The following BOC variants were observed in gnomAD, a reference collection of about 807,000 sequenced individuals.
BOC encodes the protein brother of CDO.
In BOC, 76 loss-of-function variants were observed where a neutral mutation model predicts 112.0. The observed-to-expected ratio is 0.68, with a 90% confidence interval of 0.56 to 0.82. BOC has a LOEUF of 0.82. BOC is among the 40% of genes least tolerant of loss of function. The pLI, the probability that BOC is intolerant of heterozygous loss-of-function variation, is 0.00. For synonymous variants in BOC, 580 were observed against 599.8 expected (o/e 0.97, Z 0.48); for missense variants, 1,309 against 1,511.7 (o/e 0.87, Z 2.22).
intron 14 of BOC, 33 bp downstream of exon 14, chr3:113,280,696 G>A (rs373175756): frequency 2.8e-5 from 42 of 1,513,944 alleles, no homozygotes; most frequent in East Asian, 1.1e-4. Context: ...TAGCTTCTGC[G>A]TGATATAGTT....
In BOC at chr3:113,279,246, C is replaced by T. The variant is rs1417038327; in HGVS notation, c.1817-3C>T. ...CTTCCTCACTGGATACGGTCTTTCC[C>T]AGCCCCAGAAGCTCCCGACAGGCCC... is the stretch of plus-strand genomic sequence containing the variant. On this transcript the variant is annotated splice_polypyrimidine_tract_variant and splice_region_variant and intron_variant, in intron 11 of 19. Coordinates refer to ENST00000682979, the MANE Select transcript of BOC (RefSeq NM_001378074.1). 4 of 1,612,600 alleles carry T rather than the reference C, an allele frequency of 2.5e-6. No homozygotes were observed. In the Admixed American group the frequency reaches 5.0e-5, roughly 20 times the overall value.
chr3:113,229,138 T>G (rs567080292), intron 2 of BOC, among the ~76,000 whole-genome samples: 2 of 152,244 alleles, frequency 1.3e-5, no homozygotes, highest in African/African-American at 4.8e-5. Flanking sequence ...CCTCCCCCAG[T>G]AGGGACCAAA....
At chr3:113,262,788 G>A (rs141429913) in intron 4 of BOC, among the ~76,000 whole-genome samples, 1,802 of 152,334 alleles carry the variant, frequency 0.012, 39 homozygotes, top group African/African-American at 0.041. Context: ...GTGACTTGGG[G>A]GTTGAGAATT....
At position 113,271,076 on chromosome 3, in the gene BOC, G is replaced by C. The variant is rs760334841; in HGVS notation, c.667+132G>C. 6 of 1,336,412 alleles carry C rather than the reference G, an allele frequency of 4.5e-6. 1 individual carries two copies. The South Asian group carries it at 7.2e-5, about 16-fold the overall frequency. The allele number at this position is 1,336,412 out of a possible 1,614,324, so 82.8% of individuals were successfully genotyped here. ...TCTGTGTGCACTGGCTTTGGCCAGG[G>C]GGACAGCCAGGGGTTCTCAGCCAGG... On this transcript the variant is annotated intron_variant, in intron 6 of 19. Coordinates refer to ENST00000682979, the MANE Select transcript of BOC (RefSeq NM_001378074.1).
intron 2 of BOC, among the ~76,000 whole-genome samples, chr3:113,240,436 T>A (rs1393655489): frequency 6.6e-6 from 1 of 152,214 alleles, no homozygotes; most frequent in Non-Finnish European, 1.5e-5. Flanking sequence ...GCCATTTTCA[T>A]CTGCCCCAAC....
intron 19 of BOC, among the ~76,000 whole-genome samples, chr3:113,285,900 A>G (rs1268583688): frequency 6.6e-6 from 1 of 152,226 alleles, no homozygotes; most frequent in Non-Finnish European, 1.5e-5. Context: ...TTTGCTGCTC[A>G]TCACACTAAG....
chr3:113,276,724 T>C (rs546145921), intron 9 of BOC, among the ~76,000 whole-genome samples: 14 of 152,310 alleles, frequency 9.2e-5, no homozygotes, highest in African/African-American at 3.4e-4. Flanking sequence ...GCTACTGTGT[T>C]TGGGTTTCCA....
chr3:113,240,344 C>T (rs1257553154), intron 2 of BOC, among the ~76,000 whole-genome samples: 7 of 152,202 alleles, frequency 4.6e-5, no homozygotes, highest in Non-Finnish European at 1.0e-4. Context: ...GAGGGGATAA[C>T]AAAGGACACC....
chr3:113,243,265 C>A (rs534520893), intron 2 of BOC, among the ~76,000 whole-genome samples: 1 of 152,116 alleles, frequency 6.6e-6, no homozygotes, highest in Non-Finnish European at 1.5e-5. Flanking sequence ...CAGAGCTGAC[C>A]CTTTTCAAGC....
In BOC at chr3:113,274,800, C is replaced by A. The variant is rs531153166; in HGVS notation, c.1542+118C>A. 182 of 1,074,480 alleles carry A rather than the reference C, an allele frequency of 1.7e-4. No homozygotes were observed. The Admixed American group carries it at 4.3e-3, about 25-fold the overall frequency. The allele number at this position is 1,074,480 out of a possible 1,614,324, so 66.6% of individuals were successfully genotyped here. On this transcript the variant is annotated intron_variant, in intron 9 of 19. Coordinates refer to ENST00000682979, the MANE Select transcript of BOC (RefSeq NM_001378074.1). This position sits in a 1 kb window ranked among gnomAD's most constrained non-coding sequence, Gnocchi z 4.8. Reference sequence around the variant, plus strand: ...CTCCTGAAGCCTGAGCCGGTAATCCCCACCACTAAACAGGCCCTTCTGTCT... The same window carrying A: ...CTCCTGAAGCCTGAGCCGGTAATCCACACCACTAAACAGGCCCTTCTGTCT...
chr3:113,248,241 G>A (rs1165687991), intron 2 of BOC, among the ~76,000 whole-genome samples: 1 of 152,194 alleles, frequency 6.6e-6, no homozygotes, highest in Non-Finnish European at 1.5e-5. Context: ...TTAATCCGAA[G>A]CACTTCCCAA....
At chr3:113,218,900 G>A (rs1429939306) in intron 2 of BOC, among the ~76,000 whole-genome samples, 2 of 152,184 alleles carry the variant, frequency 1.3e-5, no homozygotes, top group African/African-American at 4.8e-5. Flanking sequence ...GGGGGGTGGG[G>A]GAGCTCAGCT....
chr3:113,229,768 C>G (rs1439589342), intron 2 of BOC, among the ~76,000 whole-genome samples: 1 of 152,174 alleles, frequency 6.6e-6, no homozygotes, highest in Non-Finnish European at 1.5e-5. Flanking sequence ...TGAAATGATA[C>G]AGTAAGGAAC....
At chr3:113,268,233 C>T (rs537784905) in intron 4 of BOC, 66 bp from the exon 5 acceptor site, 70 of 1,593,690 alleles carry the variant, frequency 4.4e-5, no homozygotes, top group Non-Finnish European at 5.4e-5. Flanking sequence ...AAGGCACAAG[C>T]CCACCCTGAA....
chr3:113,273,538 T>A (rs1454075100), intron 8 of BOC, among the ~76,000 whole-genome samples, 197 bp downstream of exon 8: 2 of 152,186 alleles, frequency 1.3e-5, no homozygotes, highest in Non-Finnish European at 2.9e-5. Flanking sequence ...TGCTGTATTT[T>A]AAAAAAATAT....
chr3:113,275,865 G>T (rs16860770), intron 9 of BOC, among the ~76,000 whole-genome samples: 4,994 of 152,204 alleles, frequency 0.033, 155 homozygotes, highest in East Asian at 0.1. Flanking sequence ...CCTTGGGTCA[G>T]GACAAGTCCA....
At position 113,278,116 on chromosome 3, in the gene BOC, G is replaced by A. The variant is rs780171292; in HGVS notation, c.1564G>A (p.Asp522Asn). 29 of 1,614,076 alleles carry A rather than the reference G, an allele frequency of 1.8e-5. No homozygotes were observed. The highest frequency in any genetic ancestry group is 1.6e-4 in the Middle Eastern group (1 of 6,084). The change falls in exon 10 of 20, where the codon GAT (aspartate) becomes AAT (asparagine). Residue 522 changes from aspartate (D) to asparagine (N), a missense_variant. Transcript: ENST00000682979. This position sits in a 1 kb window ranked among gnomAD's most constrained non-coding sequence, Gnocchi z 4.2. ...CCAGCAGGTCACAAATTCCTCTGAC[G>A]ATTGGACCATCTCTGGCATTCCAGC... ...HRKQVTNSSD[D>N]WTISGIPANQ...
At chr3:113,210,967 G>C (rs546321861), upstream of BOC, 2 of 152,160 alleles carry the variant, frequency 1.3e-5, no homozygotes, top group Non-Finnish European at 2.9e-5. Context: ...ATGGAGGTCA[G>C]GGCGCTGTCA....
At chr3:113,269,522 C>G (rs1947876978) in intron 5 of BOC, 1 of 151,620 alleles carries the variant, frequency 6.6e-6, no homozygotes, top group African/African-American at 2.4e-5. Flanking sequence ...GAGTGAGACT[C>G]TGTCTCAAGA....
Sources: allele counts gnomAD v4.1 joint callset (sites outside exome capture counted in the v4.1 genomes callset), GRCh38; gene constraint gnomAD v4.1.1; non-coding constraint Gnocchi (gnomAD v3.1); transcripts MANE v1.5; gene names NCBI Gene and HGNC (gene_info 2026-07-23, HGNC 2026-07-21).